GPC6: variants seen among roughly 807,000 people sequenced by gnomAD.
GPC6 encodes glypican-6.
Under a neutral mutation model 55.2 loss-of-function variants are expected in GPC6, and 14 were observed. The observed-to-expected ratio is 0.25, with a 90% CI of 0.17 to 0.40. The LOEUF (loss-of-function observed/expected upper bound fraction) is 0.40. GPC6 is among the 10% of genes least tolerant of loss of function. The pLI is 1.00. For missense variants in GPC6, 641 were observed against 708.5 expected, an observed-to-expected ratio of 0.90 and a Z score of 1.08; for synonymous variants, 278 against 259.6, an observed-to-expected ratio of 1.07 and a Z score of -0.68.
At chr13:94,369,353 T>C (rs1879427117) in intron 6 of GPC6, among the ~76,000 whole-genome samples, 1 of 152,114 alleles carries the variant, frequency 6.6e-6, no homozygotes. Flanking sequence ...CCAGAGGAAA[T>C]AAAGGGTCCA....
At chr13:94,068,464 C>A (rs886100049) in intron 4 of GPC6, among the ~76,000 whole-genome samples, 1 of 152,120 alleles carries the variant, frequency 6.6e-6, no homozygotes, top group Non-Finnish European at 1.5e-5. Context: ...ACTCTTATGT[C>A]CTCACATTTC....
chr13:94,336,275 G>C (rs1877695382), intron 6 of GPC6, among the ~76,000 whole-genome samples: 2 of 152,114 alleles, frequency 1.3e-5, no homozygotes, highest in African/African-American at 2.4e-5. Flanking sequence ...TTAGTACATA[G>C]AGCTGTTGAA....
intron 1 of GPC6, among the ~76,000 whole-genome samples, chr13:93,265,510 G>A (rs888759824): frequency 6.6e-6 from 1 of 152,170 alleles, no homozygotes; most frequent in Admixed American, 6.5e-5. Flanking sequence ...CCTTCAGCCT[G>A]TGTGTATGAG....
intron 1 of GPC6, among the ~76,000 whole-genome samples, chr13:93,231,781 T>A (rs908669473): frequency 6.6e-6 from 1 of 152,018 alleles, no homozygotes; most frequent in Admixed American, 6.6e-5. Context: ...AACATTTATC[T>A]CCACAGATTA....
At chr13:94,219,802 T>A (rs1031211341) in intron 4 of GPC6, among the ~76,000 whole-genome samples, 1 of 152,100 alleles carries the variant, frequency 6.6e-6, no homozygotes, top group Non-Finnish European at 1.5e-5. Context: ...ACTTTAAATT[T>A]TACCATTTCC....
chr13:94,382,536 G>T lies in GPC6; in HGVS notation c.1275G>T (p.Gly425=). The change falls in exon 7 of 9, where the codon GGG becomes GGT. Residue 425 remains glycine, a synonymous_variant. Transcript: ENST00000377047. The part of the protein sequence containing the change: ...GTSNEEECWN[G]HSKARYLPEI... ...CCAACGAGGAGGAATGCTGGAACGG[G>T]CACAGCAAAGCCAGGTGAGGGTGAC... 1 of 1,614,118 alleles carries T rather than the reference G, an allele frequency of 6.2e-7. No individual in the cohort carries two copies. Among genetic ancestry groups the T allele is most frequent in the East Asian group, 2.2e-5 (1 of 44,872 alleles).
chr13:93,925,654 A>G (rs1419749750), intron 3 of GPC6, among the ~76,000 whole-genome samples: 2 of 152,200 alleles, frequency 1.3e-5, no homozygotes, highest in African/African-American at 4.8e-5. Context: ...GTGGCATAAG[A>G]CAACAACCAT....
intron 7 of GPC6, among the ~76,000 whole-genome samples, chr13:94,390,361 C>T (rs543513271): frequency 2.0e-5 from 3 of 152,234 alleles, no homozygotes; most frequent in East Asian, 3.9e-4. Flanking sequence ...TGTATTCATC[C>T]GTTCTCACAC....
rs115279847 is a variant in GPC6, at chr13:93,342,255, A to G, written c.160+114639A>G. ...TAGAAGACTGGGAGAACATAGGTGTATTAGTCCATTTTTATACTGCTATGA... is the reference window on the plus strand; with the variant it reads ...TAGAAGACTGGGAGAACATAGGTGTGTTAGTCCATTTTTATACTGCTATGA... On this transcript the variant is annotated intron_variant, in intron 1 of 8. Transcript: ENST00000377047. Among the ~76,000 whole-genome samples the G allele has an allele frequency of 7.9e-3, 1,199 of 152,246 alleles. 19 individuals carry two copies. Among genetic ancestry groups the G allele is most frequent in the African/African-American group, 0.028 (1,155 of 41,554 alleles).
chr13:93,483,691 A>C (rs1247290552), intron 1 of GPC6, among the ~76,000 whole-genome samples: 1 of 152,186 alleles, frequency 6.6e-6, no homozygotes, highest in Non-Finnish European at 1.5e-5. Context: ...AATAATGTTT[A>C]GTCATATGTG....
intron 4 of GPC6, among the ~76,000 whole-genome samples, chr13:94,089,459 G>A (rs936098574): frequency 6.6e-6 from 1 of 152,150 alleles, no homozygotes; most frequent in Non-Finnish European, 1.5e-5. Context: ...GAGGCTGGCA[G>A]CCTTGGTATC....
chr13:93,632,753 AAT>A (rs1461107254), intron 2 of GPC6, among the ~76,000 whole-genome samples: 1 of 151,712 alleles, frequency 6.6e-6, no homozygotes, highest in Non-Finnish European at 1.5e-5. Context: ...CACTGCCACC[AAT>A]ATGTCTTTAC....
Position 93,530,536 on chromosome 13 carries a change from G to C in GPC6, c.161-14727G>C, listed in dbSNP as rs547689661. Among the ~76,000 whole-genome samples, 3 of 152,194 alleles carry C rather than the reference G, an allele frequency of 2.0e-5. No homozygotes were observed. In the South Asian group the frequency reaches 6.2e-4, roughly 32 times the overall value. ...TTTGGGACTCAATTAAGTGAAAGAA[G>C]GAGCCAATCAACAATATATAGTACT... On this transcript the variant is annotated intron_variant, in intron 1 of 8. Coordinates refer to ENST00000377047, the MANE Select transcript of GPC6 (RefSeq NM_005708.5).
At chr13:93,535,172 A>G (rs1441972694) in intron 1 of GPC6, among the ~76,000 whole-genome samples, 1 of 152,138 alleles carries the variant, frequency 6.6e-6, no homozygotes, top group Non-Finnish European at 1.5e-5. Context: ...CTAATTATAT[A>G]TTAGACATAT....
Position 93,434,136 on chromosome 13 carries a change from C to T in GPC6, c.161-111127C>T, listed in dbSNP as rs565286173. Among the ~76,000 whole-genome samples, 7 of 152,284 alleles carry T rather than the reference C, an allele frequency of 4.6e-5. No homozygotes were observed. In the South Asian group the frequency reaches 1.0e-3, roughly 23 times the overall value. ...ACTGCTTTGGCTCTCAAAGTGGTGTCGGAGTGTCATGTTGGTGATGGCTTT... is the reference window on the plus strand; with the variant it reads ...ACTGCTTTGGCTCTCAAAGTGGTGTTGGAGTGTCATGTTGGTGATGGCTTT... On this transcript the variant is annotated intron_variant, in intron 1 of 8. Transcript: ENST00000377047.
intron 4 of GPC6, among the ~76,000 whole-genome samples, chr13:94,087,610 A>T (rs746472518): frequency 7.9e-4 from 121 of 152,236 alleles, no homozygotes; most frequent in Non-Finnish European, 1.4e-3. Flanking sequence ...AAAGATAATG[A>T]CTGCTCAAGA....
intron 1 of GPC6, among the ~76,000 whole-genome samples, chr13:93,537,934 G>T (rs1342114550): frequency 6.6e-6 from 1 of 152,058 alleles, no homozygotes; most frequent in Non-Finnish European, 1.5e-5. Context: ...AGGAAGACTT[G>T]TTATTTTAAA....
intron 1 of GPC6, among the ~76,000 whole-genome samples, chr13:93,397,765 T>A (rs1594141596): frequency 6.6e-6 from 1 of 151,882 alleles, no homozygotes; most frequent in East Asian, 1.9e-4. Flanking sequence ...CCCTCCTCTT[T>A]TTTTTTTTCT....
At chr13:93,838,014 A>T (rs1416651672) in intron 3 of GPC6, among the ~76,000 whole-genome samples, 8 of 152,228 alleles carry the variant, frequency 5.3e-5, no homozygotes, top group Non-Finnish European at 1.2e-4. Flanking sequence ...CTTGAATGAA[A>T]ACCATCTATT....
Sources: gnomAD v4.1 joint callset for allele counts (sites outside exome capture counted in the v4.1 genomes callset) on GRCh38, gnomAD v4.1.1 for gene constraint, MANE v1.5 for transcripts, NCBI Gene and HGNC (gene_info 2026-07-23, HGNC 2026-07-21) for gene names.